Variants in EFL1 observed in about 807,000 individuals in gnomAD.
EFL1 encodes the protein elongation factor like GTPase 1, also known as elongation factor-like GTPase 1.
Under a neutral mutation model 126.7 loss-of-function variants are expected in EFL1, and 76 were observed. The observed-to-expected ratio is 0.60, with a 90% CI of 0.50 to 0.73. EFL1 has a LOEUF of 0.73. Among genes scored for constraint, EFL1 ranks in the 30% least tolerant of loss-of-function variants. The pLI, the probability that EFL1 is intolerant of heterozygous loss-of-function variation, is 0.00. For synonymous variants in EFL1, 410 were observed against 448.4 expected, an observed-to-expected ratio of 0.91 and a Z score of 1.08; for missense variants, 1,128 against 1,343.2, an observed-to-expected ratio of 0.84 and a Z score of 2.50.
intron 15 of EFL1, among the ~76,000 whole-genome samples, chr15:82,173,328 G>C (rs1157127132): frequency 6.6e-6 from 1 of 152,120 alleles, no homozygotes; most frequent in Non-Finnish European, 1.5e-5. Flanking sequence ...TTACAAACAA[G>C]TTTTAAAGCA....
intron 2 of EFL1, 91 bp downstream of exon 2, chr15:82,261,597 C>T: frequency 1.6e-6 from 2 of 1,238,406 alleles, no homozygotes; most frequent in South Asian, 1.4e-5. Flanking sequence ...GCAAACATCA[C>T]TCTCAGCTGT....
chr15:82,167,445 A>T (rs951779820), intron 15 of EFL1, among the ~76,000 whole-genome samples: 3 of 151,826 alleles, frequency 2.0e-5, no homozygotes, highest in Admixed American at 6.6e-5. Flanking sequence ...GTTGAGCCAA[A>T]TTTTTTTTTC....
intron 14 of EFL1, among the ~76,000 whole-genome samples, chr15:82,215,124 C>T (rs867614733): frequency 3.3e-4 from 50 of 152,128 alleles, no homozygotes; most frequent in African/African-American, 1.1e-3. Context: ...TCTGTTGTGA[C>T]CTGGTATTGT....
intron 15 of EFL1, among the ~76,000 whole-genome samples, chr15:82,212,145 CA>C (rs1567065068): frequency 6.6e-6 from 1 of 151,852 alleles, no homozygotes; most frequent in African/African-American, 2.4e-5. Flanking sequence ...TGTATTTTAC[CA>C]AAAAAATTAC....
intron 4 of EFL1, among the ~76,000 whole-genome samples, chr15:82,245,656 T>G (rs74249839): frequency 0.074 from 11,245 of 152,016 alleles, 522 homozygotes; most frequent in Middle Eastern, 0.15. Context: ...AAAACTGAGA[T>G]GGGGTCAGGC....
At chr15:82,226,325 C>G (rs7167816) in intron 11 of EFL1, among the ~76,000 whole-genome samples, 10,263 of 152,116 alleles carry the variant, frequency 0.067, 528 homozygotes, top group African/African-American at 0.13. Context: ...TGTACCACCA[C>G]GCCCAGTTAG....
chr15:82,171,279 G>C (rs1169656879), intron 15 of EFL1, among the ~76,000 whole-genome samples: 5 of 152,166 alleles, frequency 3.3e-5, no homozygotes, highest in African/African-American at 7.2e-5. Context: ...AAAATATTAA[G>C]GGTCAGTTCA....
intron 19 of EFL1, among the ~76,000 whole-genome samples, chr15:82,135,949 C>T (rs763080584): frequency 2.6e-5 from 4 of 152,164 alleles, no homozygotes; most frequent in South Asian, 2.1e-4. Flanking sequence ...CAGTGAGTCA[C>T]ATGTCAGCCC....
At chr15:82,192,650 T>C (rs1203245286) in intron 15 of EFL1, among the ~76,000 whole-genome samples, 2 of 152,124 alleles carry the variant, frequency 1.3e-5, no homozygotes, top group African/African-American at 4.8e-5. Flanking sequence ...GGAAAGCCCT[T>C]GTGAACTTAT....
intron 17 of EFL1, among the ~76,000 whole-genome samples, chr15:82,155,535 C>T (rs972506254): frequency 4.1e-4 from 63 of 152,148 alleles, no homozygotes; most frequent in African/African-American, 1.3e-3. Flanking sequence ...TAAACTGTTG[C>T]TATGCGTATT....
At chr15:82,156,730 A>C (rs1000678007) in intron 17 of EFL1, among the ~76,000 whole-genome samples, 8 of 152,204 alleles carry the variant, frequency 5.3e-5, no homozygotes, top group African/African-American at 2.4e-5. Context: ...AATCATTTAT[A>C]ATTATTATTT....
At chr15:82,130,615 C>T in intron 19 of EFL1, 54 bp from the exon 20 acceptor site, 1 of 1,579,560 alleles carries the variant, frequency 6.3e-7, no homozygotes, top group East Asian at 2.2e-5. Flanking sequence ...AATTTCAAAC[C>T]TTATTCACTG....
chr15:82,133,801 G>T (rs1286642490), intron 19 of EFL1, among the ~76,000 whole-genome samples: 1 of 152,194 alleles, frequency 6.6e-6, no homozygotes, highest in Non-Finnish European at 1.5e-5. Context: ...CAGGGTGAGA[G>T]GGGTGGTGTC....
At chr15:82,173,998 G>A (rs1193835970) in intron 15 of EFL1, among the ~76,000 whole-genome samples, 2 of 152,100 alleles carry the variant, frequency 1.3e-5, no homozygotes, top group Non-Finnish European at 2.9e-5. Context: ...GACCATCCTG[G>A]CTAACATGGT....
intron 15 of EFL1, among the ~76,000 whole-genome samples, chr15:82,207,049 A>T (rs1039263846): frequency 6.6e-6 from 1 of 152,112 alleles, no homozygotes; most frequent in Non-Finnish European, 1.5e-5. Flanking sequence ...GTATTCCAGA[A>T]ATAAAAACTG....
chr15:82,163,805 C>T (rs1308578866), intron 16 of EFL1, 48 bp downstream of exon 16: 1 of 1,595,170 alleles, frequency 6.3e-7, no homozygotes, highest in Non-Finnish European at 8.6e-7. Flanking sequence ...CATGCATATG[C>T]TTTAAAAGTA....
intron 18 of EFL1, among the ~76,000 whole-genome samples, chr15:82,143,988 G>A (rs117120364): frequency 0.02 from 3,042 of 152,264 alleles, 47 homozygotes; most frequent in Non-Finnish European, 0.029. Context: ...ACGCTCGCAC[G>A]CCTGGCTAGG....
At chr15:82,176,596 G>C in intron 15 of EFL1, among the ~76,000 whole-genome samples, 1 of 152,118 alleles carries the variant, frequency 6.6e-6, no homozygotes, top group East Asian at 1.9e-4. Flanking sequence ...CACTTCTCTA[G>C]TCACCAGCAA....
Position 82,181,853 on chromosome 15 carries a change from G to C in EFL1, c.1751-17869C>G, listed in dbSNP as rs868457132. 1.4e-4 allele frequency among the ~76,000 whole-genome samples: 21 copies of C among 152,208 alleles called. No individual in the cohort carries two copies. In the Middle Eastern group the frequency reaches 0.01, roughly 74 times the overall value. ...ACAAGCCTTTAAATTCTTGAAAGCT[G>C]GCTATCACATCTTCCCAAATACTTC... is the stretch of plus-strand genomic sequence containing the variant. On this transcript the variant is annotated intron_variant, in intron 15 of 19. Coordinates refer to ENST00000268206, the MANE Select transcript of EFL1 (RefSeq NM_024580.6).
Sources: gnomAD v4.1 joint callset for allele counts (sites outside exome capture counted in the v4.1 genomes callset) on GRCh38, gnomAD v4.1.1 for gene constraint, MANE v1.5 for transcripts, NCBI Gene and HGNC (gene_info 2026-07-23, HGNC 2026-07-21) for gene names.